The following NCKAP5 variants were observed in gnomAD, a reference collection of about 807,000 sequenced individuals.
NCKAP5 encodes NCK associated protein 5, also known as nck-associated protein 5.
NCKAP5 carries 92 observed loss-of-function variants against 167.0 expected under a neutral mutation model. The ratio of observed to expected loss-of-function variants is 0.55; its 90% CI spans 0.47 to 0.66. NCKAP5 has a LOEUF of 0.66. NCKAP5 is among the 30% of genes least tolerant of loss of function. The pLI is 0.00. For synonymous variants in NCKAP5, 891 were observed against 877.4 expected (o/e 1.02, Z -0.27); for missense variants, 2,378 against 2,315.0 (o/e 1.03, Z -0.56).
intron 11 of NCKAP5, among the ~76,000 whole-genome samples, chr2:132,859,056 C>A (rs1300175904): frequency 6.6e-6 from 1 of 152,064 alleles, no homozygotes; most frequent in Non-Finnish European, 1.5e-5. Flanking sequence ...AATGCAAGAT[C>A]CCCTATGACA....
chr2:132,936,131 G>C (rs983561216), intron 8 of NCKAP5, among the ~76,000 whole-genome samples: 2 of 151,890 alleles, frequency 1.3e-5, no homozygotes, highest in Non-Finnish European at 2.9e-5. Context: ...ACAGGCGCTC[G>C]CCACCATGCC....
chr2:133,449,303 T>C (rs974355828), intron 3 of NCKAP5, among the ~76,000 whole-genome samples: 7 of 152,234 alleles, frequency 4.6e-5, no homozygotes, highest in African/African-American at 1.4e-4. Flanking sequence ...TTGCCCCTAG[T>C]TCTTAGTCCT....
intron 5 of NCKAP5, among the ~76,000 whole-genome samples, chr2:133,179,019 T>C (rs370947081): frequency 3.8e-4 from 57 of 151,730 alleles, no homozygotes; most frequent in African/African-American, 1.2e-3. Flanking sequence ...TATTTAAAAA[T>C]TATCTGAGCT....
intron 3 of NCKAP5, among the ~76,000 whole-genome samples, chr2:133,353,550 C>T (rs572312242): frequency 2.6e-5 from 4 of 152,266 alleles, no homozygotes; most frequent in Non-Finnish European, 4.4e-5. Flanking sequence ...AGCATGGAGA[C>T]CCATGGCCCT....
intron 8 of NCKAP5, among the ~76,000 whole-genome samples, chr2:132,899,064 C>A (rs1295168056): frequency 6.6e-6 from 1 of 152,262 alleles, no homozygotes; most frequent in South Asian, 2.1e-4. Context: ...TAAGATTGAC[C>A]CCTACATCAA....
intron 8 of NCKAP5, among the ~76,000 whole-genome samples, chr2:132,911,528 A>T (rs961065651): frequency 6.6e-6 from 1 of 152,168 alleles, no homozygotes; most frequent in African/African-American, 2.4e-5. Context: ...TCCTTTAAAA[A>T]TCAAATTTTG....
chr2:132,882,499 T>TAC lies in NCKAP5; in HGVS notation c.580-3585_580-3584dup, dbSNP rs758924253. Among the ~76,000 whole-genome samples, 16 of 152,346 alleles carry TAC rather than the reference T, an allele frequency of 1.1e-4. No individual in the cohort carries two copies. In the East Asian group the frequency reaches 2.7e-3, roughly 26 times the overall value. Reference sequence around the variant, plus strand: ...CTCCTTTGTTCAATCTTACCATGTGTACAAAATTGGTACGCTACCCAAACC... The same window carrying TAC: ...CTCCTTTGTTCAATCTTACCATGTGTACACAAAATTGGTACGCTACCCAAACC... On this transcript the variant is annotated intron_variant, in intron 8 of 19. Coordinates refer to ENST00000409261, the MANE Select transcript of NCKAP5 (RefSeq NM_207363.3).
At chr2:132,994,412 T>C (rs577624056) in intron 6 of NCKAP5, among the ~76,000 whole-genome samples, 173 bp from the exon 7 acceptor site, 4 of 152,320 alleles carry the variant, frequency 2.6e-5, no homozygotes, top group African/African-American at 9.6e-5. Flanking sequence ...TTTGCAACCA[T>C]TCTTTGGGAT....
intron 12 of NCKAP5, among the ~76,000 whole-genome samples, chr2:132,794,678 C>CACACAT (rs1684437678): frequency 6.6e-6 from 1 of 150,388 alleles, no homozygotes; most frequent in African/African-American, 2.5e-5. Flanking sequence ...CACACACACA[C>CACACAT]ACACATACAC....
chr2:132,781,955 G>A lies in NCKAP5; in HGVS notation c.4856C>T (p.Thr1619Met), dbSNP rs780758821. 2.0e-5 allele frequency: 32 copies of A among 1,612,490 alleles called. No individual in the cohort carries two copies. The highest frequency in any genetic ancestry group is 1.5e-4 in the African/African-American group (11 of 75,020). ...VACSTKDTFM[T>M]ELLNRVDKKA... ...AGTGAGTTACCTGTTCAAGAGTTCCGTCATGAAGGTGTCTTTCGTTGAACA... is the reference window on the plus strand; with the variant it reads ...AGTGAGTTACCTGTTCAAGAGTTCCATCATGAAGGTGTCTTTCGTTGAACA... Residue 1619 changes from threonine to methionine, a missense_variant, in exon 14 of 20, where the codon ACG (threonine) becomes ATG (methionine). By Grantham distance (81) the Thr-to-Met change is moderately conservative. Coordinates refer to ENST00000409261, the MANE Select transcript of NCKAP5 (RefSeq NM_207363.3).
chr2:133,399,791 A>G (rs1219031185), intron 3 of NCKAP5, among the ~76,000 whole-genome samples: 2 of 152,196 alleles, frequency 1.3e-5, no homozygotes, highest in African/African-American at 4.8e-5. Context: ...TTAATGAAAA[A>G]GTAGGGGGTA....
At position 133,429,624 on chromosome 2, in the gene NCKAP5, C is replaced by G. The variant is rs1036393457; in HGVS notation, c.69+87834G>C. 3.3e-5 allele frequency among the ~76,000 whole-genome samples: 5 copies of G among 152,088 alleles called. No homozygotes were observed. In the East Asian group the frequency reaches 9.6e-4, roughly 29 times the overall value. ...TAGGATAATGGACTCCAGTTGCATC[C>G]ATGTTGCTACAAGGGACATAATTTT... On this transcript the variant is annotated intron_variant, in intron 3 of 19. Transcript: ENST00000409261.
At chr2:133,457,758 T>C (rs192211735) in intron 3 of NCKAP5, among the ~76,000 whole-genome samples, 1 of 152,306 alleles carries the variant, frequency 6.6e-6, no homozygotes, top group East Asian at 1.9e-4. Context: ...TTTTTCTCCC[T>C]CTCCCATTTT....
At chr2:133,053,841 T>C (rs900281247) in intron 6 of NCKAP5, among the ~76,000 whole-genome samples, 1 of 152,218 alleles carries the variant, frequency 6.6e-6, no homozygotes, top group African/African-American at 2.4e-5. Context: ...AAGTAATCCA[T>C]TTAAACTGCA....
At chr2:133,366,646 T>C (rs1327165874) in intron 3 of NCKAP5, among the ~76,000 whole-genome samples, 5 of 152,204 alleles carry the variant, frequency 3.3e-5, no homozygotes. Flanking sequence ...AATAAATATG[T>C]TTGGGTAAAA....
Position 132,782,371 on chromosome 2 carries a change from A to C in NCKAP5, c.4440T>G (p.Ile1480Met). 6.2e-7 allele frequency: 1 copy of C among 1,614,020 alleles called. No homozygotes were observed. Among genetic ancestry groups the C allele is most frequent in the South Asian group, 1.1e-5 (1 of 91,080 alleles). ...PTIEEKVMLC[I>M]QENVEKGQVQ... ...CTTGGCCCTTTTCCACATTTTCCTG[A>C]ATGCACAACATGACCTTTTCTTCGA... is the stretch of plus-strand genomic sequence containing the variant. Residue 1480 changes from isoleucine (I) to methionine (M), a missense_variant, in exon 14 of 20, where the codon ATT becomes ATG. This residue lies in a region of NCKAP5 where 1,325 missense variants were observed against 1,274.5 expected (regional missense o/e 1.04). Coordinates refer to ENST00000409261, the MANE Select transcript of NCKAP5 (RefSeq NM_207363.3).
intron 3 of NCKAP5, among the ~76,000 whole-genome samples, chr2:133,377,720 G>A (rs531968848): frequency 7.9e-5 from 12 of 152,164 alleles, no homozygotes; most frequent in Non-Finnish European, 1.6e-4. Flanking sequence ...GTGACATTTA[G>A]AACAAAGGTG....
intron 11 of NCKAP5, among the ~76,000 whole-genome samples, chr2:132,810,707 CT>C (rs1286076265): frequency 7.2e-5 from 11 of 152,280 alleles, no homozygotes; most frequent in African/African-American, 2.4e-4. Context: ...TTGCAGTGGA[CT>C]TCGCCTTCTC....
At chr2:132,811,274 A>G (rs1352075227) in intron 11 of NCKAP5, among the ~76,000 whole-genome samples, 1 of 152,112 alleles carries the variant, frequency 6.6e-6, no homozygotes, top group Non-Finnish European at 1.5e-5. Flanking sequence ...CTTTCCAGAA[A>G]GCATCAGCTG....
Sources: allele counts gnomAD v4.1 joint callset (sites outside exome capture counted in the v4.1 genomes callset), GRCh38; gene constraint gnomAD v4.1.1; regional missense constraint gnomAD v4.1.1; transcripts MANE v1.5; gene names NCBI Gene and HGNC (gene_info 2026-07-23, HGNC 2026-07-21).